The following S1PR3 variants were observed in gnomAD, a reference collection of about 807,000 sequenced individuals.
The protein encoded by S1PR3 is sphingosine-1-phosphate receptor 3.
In S1PR3, 12 loss-of-function variants were observed where a neutral mutation model predicts 13.3. That is an observed-to-expected ratio of 0.90 (90% CI 0.58 to 1.46). The LOEUF is 1.46. S1PR3 is among the 40% of genes most tolerant of loss of function. S1PR3 has a pLI of 0.00. For missense variants in S1PR3, 450 were observed against 501.9 expected (o/e 0.90, Z 0.99); for synonymous variants, 232 against 214.0 (o/e 1.08, Z -0.73).
chr9:88,998,277 A>C (rs1587666188), intron 1 of S1PR3: 1 of 152,458 alleles, frequency 6.6e-6, no homozygotes, highest in African/African-American at 2.4e-5. Flanking sequence ...GGAGTTCAAG[A>C]CCAGCCTGGC....
chr9:88,991,899 G>A lies in S1PR3; in HGVS notation c.-148+204G>A. On this transcript the variant is annotated intron_variant, in intron 1 of 1. Transcript: ENST00000358157. This position sits in a 1 kb window ranked among gnomAD's most constrained non-coding sequence, Gnocchi z 4.0. ...AGGCCTTTTCCACCGCACCCGGAGC[G>A]TTTACAACGGGCTGGAGCTGAATAC... 1 of 1,614,204 alleles carries A rather than the reference G, an allele frequency of 6.2e-7. No individual in the cohort carries two copies.
At chr9:88,991,396 G>A, upstream of S1PR3, 1 of 1,415,394 alleles carries the variant, frequency 7.1e-7, no homozygotes, top group Non-Finnish European at 9.6e-7. The surrounding 1 kb of genome is among the most constrained non-coding windows in gnomAD (Gnocchi z 4.0). Flanking sequence ...CGGGGGCGGC[G>A]AGGGGAGGGG....
intron 1 of S1PR3, among the ~76,000 whole-genome samples, chr9:88,996,351 C>T (rs1484025294): frequency 1.3e-5 from 2 of 152,182 alleles, no homozygotes; most frequent in African/African-American, 2.4e-5. Flanking sequence ...TCAATCCCAG[C>T]AGTGCTACTT....
intron 1 of S1PR3, chr9:89,000,065 G>A (rs922740164): frequency 2.0e-5 from 3 of 152,280 alleles, no homozygotes; most frequent in South Asian, 4.2e-4. Context: ...ACTGAAAGCG[G>A]TTTCTACCTT....
rs1378060403 is a variant in S1PR3, at chr9:89,002,457, C to A, written c.*120C>A. ...ACCTTACTTTGACCAACAGCCTGCC[C>A]AGTGTGGATGTCTCTTACAGAGGGG... On this transcript the variant is annotated 3_prime_UTR_variant, in exon 2 of 2. Transcript: ENST00000358157. The A allele has an allele frequency of 1.6e-6, 2 of 1,214,404 alleles. No homozygotes were observed. Among genetic ancestry groups the A allele is most frequent in the East Asian group, 5.1e-5 (2 of 39,126 alleles). The allele number at this position is 1,214,404 out of a possible 1,614,324, so 75.2% of individuals were successfully genotyped here.
In S1PR3 at chr9:89,001,486, A is replaced by T; in HGVS notation, c.286A>T (p.Ile96Phe). 2 of 1,614,178 alleles carry T rather than the reference A, an allele frequency of 1.2e-6. No homozygotes were observed. The highest frequency in any genetic ancestry group is 3.3e-5 in the Admixed American group (2 of 60,030). The change falls in exon 2 of 2, where the codon ATT becomes TTT. Residue 96 changes from isoleucine to phenylalanine, a missense_variant. Transcript: ENST00000358157. ...LLAGIAYKVN[I>F]LMSGKKTFSL... ...GGCCGGCATCGCTTACAAGGTCAAC[A>T]TTCTGATGTCTGGCAAGAAGACGTT... is the stretch of plus-strand genomic sequence containing the variant.
intron 1 of S1PR3, chr9:89,000,262 T>G (rs1324178213): frequency 6.6e-6 from 1 of 152,284 alleles, no homozygotes; most frequent in African/African-American, 2.4e-5. Context: ...TTGGCTCACA[T>G]GCACCCATGC....
At position 89,001,093 on chromosome 9, in the gene S1PR3, C is replaced by G. The variant is rs1398377266; in HGVS notation, c.-108C>G. On this transcript the variant is annotated 5_prime_UTR_variant, in exon 2 of 2. Coordinates refer to ENST00000358157, the MANE Select transcript of S1PR3 (RefSeq NM_005226.4). ...CGCCCTCGCTGGAGTCTGGCCTGCA[C>G]GCCTTGCTGAATGAAGCCGGAACCT... 1 of 1,301,366 alleles carries G rather than the reference C, an allele frequency of 7.7e-7. No homozygotes were observed. Among genetic ancestry groups the G allele is most frequent in the Admixed American group, 2.0e-5 (1 of 49,420 alleles). 80.6% of individuals were successfully genotyped at this position (1,301,366 alleles called of 1,614,324 possible).
At chr9:89,000,920 C>G (rs1825857353) in intron 1 of S1PR3, 134 bp from the exon 2 acceptor site, 1 of 478,774 alleles carries the variant, frequency 2.1e-6, no homozygotes. Context: ...TCTAAAGACC[C>G]TCTCTGCAGC....
chr9:88,999,603 C>T (rs890289554), intron 1 of S1PR3: 5 of 152,180 alleles, frequency 3.3e-5, no homozygotes, highest in Non-Finnish European at 7.3e-5. Flanking sequence ...AAATTTAGGG[C>T]TGTGGTTCAA....
chr9:88,991,121 C>G, upstream of S1PR3: 1 of 1,612,682 alleles, frequency 6.2e-7, no homozygotes, highest in Non-Finnish European at 8.5e-7. This position sits in a 1 kb window ranked among gnomAD's most constrained non-coding sequence, Gnocchi z 4.0. Flanking sequence ...TGGTTCCAAG[C>G]CTGTTCCCGC....
Position 89,003,374 on chromosome 9 carries a change from A to G in S1PR3, c.*1037A>G, listed in dbSNP as rs1426844539. The G allele has an allele frequency of 6.0e-6, 1 of 167,062 alleles. No homozygotes were observed. The highest frequency in any genetic ancestry group is 2.4e-5 in the African/African-American group (1 of 41,442). The allele number at this position is 167,062 out of a possible 1,614,324, so 10.3% of individuals were successfully genotyped here. A position where few individuals can be genotyped will look rare whatever the true frequency, so the allele number is the denominator to read the frequency against. ...GCATCACAGCTAAGTAGCTGTGGCC[A>G]CCGGCAGTTTCACAGCATCCTGAAA... On this transcript the variant is annotated 3_prime_UTR_variant, in exon 2 of 2. Transcript: ENST00000358157.
At chr9:88,992,993 T>G (rs73496040) in intron 1 of S1PR3, 1 of 152,628 alleles carries the variant, frequency 6.6e-6, no homozygotes. Flanking sequence ...AGATACAAAC[T>G]GAAGCTAGCC....
In S1PR3 at chr9:88,991,894, G is replaced by A. The variant is rs1825722010; in HGVS notation, c.-148+199G>A. On this transcript the variant is annotated intron_variant, in intron 1 of 1. Coordinates refer to ENST00000358157, the MANE Select transcript of S1PR3 (RefSeq NM_005226.4). The surrounding 1 kb of genome is among the most constrained non-coding windows in gnomAD (Gnocchi z 4.0). ...GGAGGAGGCCTTTTCCACCGCACCC[G>A]GAGCGTTTACAACGGGCTGGAGCTG... The A allele has an allele frequency of 1.9e-6, 3 of 1,614,074 alleles. No individual in the cohort carries two copies. Among genetic ancestry groups the A allele is most frequent in the East Asian group, 2.2e-5 (1 of 44,878 alleles).
rs898602200 is a variant in S1PR3, at chr9:88,991,580, T to C, written c.-263T>C. The C allele has an allele frequency of 1.9e-6, 3 of 1,544,488 alleles. No homozygotes were observed. The highest frequency in any genetic ancestry group is 2.6e-6 in the Non-Finnish European group (3 of 1,145,140). On this transcript the variant is annotated 5_prime_UTR_variant, in exon 1 of 2. Transcript: ENST00000358157. This position sits in a 1 kb window ranked among gnomAD's most constrained non-coding sequence, Gnocchi z 4.0. ...GGCCCGGGAACGACGTCGCGAGCGC[T>C]GAGACTGCCGGGCCTCCCAGCCCAT...
chr9:88,992,258 T>G (rs1016519312), intron 1 of S1PR3: 1 of 538,840 alleles, frequency 1.9e-6, no homozygotes, highest in African/African-American at 1.9e-5. Context: ...GCTTTTTGAG[T>G]CTCCCAATAG....
At chr9:89,000,259 A>G (rs1305207442) in intron 1 of S1PR3, 1 of 152,230 alleles carries the variant, frequency 6.6e-6, no homozygotes, top group African/African-American at 2.4e-5. Context: ...CTGTTGGCTC[A>G]CATGCACCCA....
rs1329305324 is a variant in S1PR3, at chr9:89,001,127, CTTCCCTTTGAAATGAATG to C, written c.-69_-52del. 1.3e-6 allele frequency: 2 copies of C among 1,537,698 alleles called. No homozygotes were observed. The highest frequency in any genetic ancestry group is 2.7e-5 in the African/African-American group (2 of 73,168). On this transcript the variant is annotated 5_prime_UTR_variant, in exon 2 of 2. The change abolishes an upstream ATG in the 5' untranslated region. Transcript: ENST00000358157. ...GAATGAAGCCGGAACCTCAGCCCCG[CTTCCCTTTGAAATGAATG>C]TTCCTGGGGCGCCCTCTCGTGGATT...
At chr9:88,995,767 G>A (rs773719994) in intron 1 of S1PR3, 5 of 167,058 alleles carry the variant, frequency 3.0e-5, no homozygotes, top group Non-Finnish European at 7.3e-5. Context: ...TGAAGAGCTG[G>A]GTGGTGGGCG....
Sources: allele counts gnomAD v4.1 joint callset (sites outside exome capture counted in the v4.1 genomes callset), GRCh38; gene constraint gnomAD v4.1.1; non-coding constraint Gnocchi (gnomAD v3.1); transcripts MANE v1.5; gene names NCBI Gene and HGNC (gene_info 2026-07-23, HGNC 2026-07-21).